MRPS9: variants seen among roughly 807,000 people sequenced by gnomAD.
The protein encoded by MRPS9 is small ribosomal subunit protein uS9m.
MRPS9 carries 45 observed loss-of-function variants against 59.9 expected under a neutral mutation model. The observed-to-expected ratio is 0.75, with a 90% CI of 0.59 to 0.96. MRPS9 has a LOEUF of 0.96. Ranked by LOEUF, MRPS9 falls within the 40% of genes least tolerant of loss-of-function variation. The pLI is 0.00. For synonymous variants in MRPS9, 171 were observed against 166.8 expected (o/e 1.03, Z -0.19); for missense variants, 473 against 481.1 (o/e 0.98, Z 0.16).
At chr2:105,042,561 C>T (rs534060854) in intron 1 of MRPS9, among the ~76,000 whole-genome samples, 5 of 152,320 alleles carry the variant, frequency 3.3e-5, no homozygotes, top group Non-Finnish European at 5.9e-5. Flanking sequence ...GGTCTTTCTT[C>T]TATGGTTCTT....
At chr2:105,057,317 G>A (rs1402463801) in intron 2 of MRPS9, among the ~76,000 whole-genome samples, 1 of 152,160 alleles carries the variant, frequency 6.6e-6, no homozygotes, top group Non-Finnish European at 1.5e-5. Context: ...AGACCTTAAT[G>A]CTGTTATCCT....
At chr2:105,073,700 A>C (rs1680157287) in intron 4 of MRPS9, among the ~76,000 whole-genome samples, 1 of 152,194 alleles carries the variant, frequency 6.6e-6, no homozygotes, top group Admixed American at 6.5e-5. Flanking sequence ...AACAGGAGCA[A>C]AGAGTAGCAC....
At chr2:105,052,012 C>T (rs917434776) in intron 2 of MRPS9, among the ~76,000 whole-genome samples, 2 of 152,076 alleles carry the variant, frequency 1.3e-5, no homozygotes, top group Non-Finnish European at 2.9e-5. Flanking sequence ...CATATATTTA[C>T]GAATCCCAAA....
chr2:105,071,709 A>G (rs1216017657), intron 4 of MRPS9, among the ~76,000 whole-genome samples: 1 of 152,206 alleles, frequency 6.6e-6, no homozygotes, highest in Non-Finnish European at 1.5e-5. Context: ...TTAGGACTAT[A>G]CCAATGTCAT....
At chr2:105,072,229 G>A (rs765579389) in intron 4 of MRPS9, among the ~76,000 whole-genome samples, 9 of 152,202 alleles carry the variant, frequency 5.9e-5, no homozygotes, top group Non-Finnish European at 1.2e-4. Context: ...TGGTGGTTTT[G>A]AGTGTGTCTG....
chr2:105,070,423 C>T (rs1558756991), intron 2 of MRPS9, among the ~76,000 whole-genome samples: 1 of 152,142 alleles, frequency 6.6e-6, no homozygotes, highest in Non-Finnish European at 1.5e-5. Flanking sequence ...GAGTCTGATC[C>T]AGCACATTTA....
At chr2:105,065,941 TAAAAG>T (rs1316696853) in intron 2 of MRPS9, among the ~76,000 whole-genome samples, 1 of 146,582 alleles carries the variant, frequency 6.8e-6, no homozygotes, top group Admixed American at 6.9e-5. Context: ...TCAGAATTTG[TAAAAG>T]AAAAGAAAAA....
chr2:105,078,548 G>A (rs1291622645), intron 4 of MRPS9, among the ~76,000 whole-genome samples: 2 of 152,134 alleles, frequency 1.3e-5, no homozygotes, highest in Non-Finnish European at 2.9e-5. Flanking sequence ...TGAAGTCTAT[G>A]ACAATGATTT....
At chr2:105,084,857 T>C (rs1198432786) in intron 5 of MRPS9, among the ~76,000 whole-genome samples, 1 of 152,176 alleles carries the variant, frequency 6.6e-6, no homozygotes, top group Non-Finnish European at 1.5e-5. Context: ...GTATATCTGG[T>C]ATGCTCCAAG....
intron 7 of MRPS9, 197 bp from the exon 8 acceptor site, chr2:105,092,204 G>T (rs1431266980): frequency 1.8e-5 from 8 of 437,232 alleles, no homozygotes; most frequent in Non-Finnish European, 3.2e-5. Context: ...TGAAAGAAAA[G>T]ATTTGGCACT....
chr2:105,068,992 G>A (rs1374753460), intron 2 of MRPS9, among the ~76,000 whole-genome samples: 1 of 152,150 alleles, frequency 6.6e-6, no homozygotes, highest in Admixed American at 6.5e-5. Context: ...ATGTAATGTT[G>A]TTAGAAAGCT....
chr2:105,060,662 A>G (rs1679883804), intron 2 of MRPS9, among the ~76,000 whole-genome samples: 3 of 152,248 alleles, frequency 2.0e-5, no homozygotes, highest in Admixed American at 6.5e-5. Context: ...TGTTTTCTCA[A>G]TATGAGGCAA....
chr2:105,072,970 A>G (rs567679730), intron 4 of MRPS9, among the ~76,000 whole-genome samples: 265 of 152,354 alleles, frequency 1.7e-3, no homozygotes, highest in Admixed American at 4.5e-3. Flanking sequence ...AATGAAGACT[A>G]TGTTAAAAAT....
chr2:105,043,575 G>A (rs866808859), intron 1 of MRPS9, among the ~76,000 whole-genome samples: 1 of 151,978 alleles, frequency 6.6e-6, no homozygotes, highest in African/African-American at 2.4e-5. Flanking sequence ...GAGATCCCTT[G>A]GACCCTGCCT....
At chr2:105,077,528 T>C (rs986913055) in intron 4 of MRPS9, among the ~76,000 whole-genome samples, 1 of 152,190 alleles carries the variant, frequency 6.6e-6, no homozygotes, top group African/African-American at 2.4e-5. Flanking sequence ...TAATACCGTT[T>C]ATATCTTTAA....
intron 2 of MRPS9, among the ~76,000 whole-genome samples, chr2:105,051,593 T>G (rs2104442692): frequency 6.6e-6 from 1 of 152,328 alleles, no homozygotes; most frequent in Non-Finnish European, 1.5e-5. Context: ...AAGATTTTGA[T>G]AGGGATTGTG....
chr2:105,070,055 G>A (rs757197375), intron 2 of MRPS9, among the ~76,000 whole-genome samples: 3 of 152,078 alleles, frequency 2.0e-5, no homozygotes, highest in African/African-American at 7.3e-5. Flanking sequence ...GCAAAGGAAG[G>A]GGGTAGGTGG....
intron 2 of MRPS9, among the ~76,000 whole-genome samples, chr2:105,056,477 T>C (rs1401694026): frequency 6.6e-6 from 1 of 152,318 alleles, no homozygotes; most frequent in African/African-American, 2.4e-5. Flanking sequence ...GGATGTCTTA[T>C]GTCTACGTGT....
rs1679834969 is a variant in MRPS9, at chr2:105,058,582, A to T, written c.315+9232A>T. 2.0e-5 allele frequency among the ~76,000 whole-genome samples: 3 copies of T among 152,318 alleles called. No homozygotes were observed. The South Asian group carries it at 6.2e-4, about 32-fold the overall frequency. ...CATTTCTTATTTGGATTAAATTTTT[A>T]AAATTTGCATTCTTACTTTTTCTTT... On this transcript the variant is annotated intron_variant, in intron 2 of 10. Coordinates refer to ENST00000258455, the MANE Select transcript of MRPS9 (RefSeq NM_182640.3).
Sources: gnomAD v4.1 joint callset for allele counts (sites outside exome capture counted in the v4.1 genomes callset) on GRCh38, gnomAD v4.1.1 for gene constraint, MANE v1.5 for transcripts, NCBI Gene and HGNC (gene_info 2026-07-23, HGNC 2026-07-21) for gene names.